SERINC4: variants seen among roughly 807,000 people sequenced by gnomAD.
The protein encoded by SERINC4 is serine incorporator 4.
SERINC4 carries 52 observed loss-of-function variants against 52.0 expected under a neutral mutation model. The observed-to-expected ratio is 1.00, with a 90% CI of 0.80 to 1.26. The LOEUF (loss-of-function observed/expected upper bound fraction) is 1.26, where lower values mean the gene tolerates loss of function less well. SERINC4 is among the 50% of genes most tolerant of loss of function. The pLI, the probability that SERINC4 is intolerant of heterozygous loss-of-function variation, is 0.00. For missense variants in SERINC4, 723 were observed against 632.8 expected, an observed-to-expected ratio of 1.14 and a Z score of -1.53; for synonymous variants, 264 against 247.7, an observed-to-expected ratio of 1.07 and a Z score of -0.62.
intron 9 of SERINC4, 71 bp downstream of exon 9, chr15:43,796,084 T>C (rs2087209147): frequency 5.4e-6 from 6 of 1,110,110 alleles, no homozygotes; most frequent in Non-Finnish European, 8.3e-6. Flanking sequence ...TGGGTAGAGG[T>C]TGGTAGGATG....
chr15:43,796,165 T>G lies in SERINC4; in HGVS notation c.1130A>C (p.Tyr377Ser). Reference protein sequence around the residue: ...GPLWIVKVYSYEFQKPSLCFC... With the variant: ...GPLWIVKVYSSEFQKPSLCFC... ...GCTCTTTATCCTCACCTGAAACTCA[T>G]AGCTGTAAACCTTGACAATCCACAG... The change falls in exon 9 of 12, where the codon TAT (tyrosine) becomes TCT (serine). Residue 377 changes from tyrosine to serine, a missense_variant. Physicochemically the swap from Tyr to Ser is moderately radical, Grantham distance 144 (BLOSUM62 -2). Coordinates refer to ENST00000319327, the MANE Select transcript of SERINC4 (RefSeq NM_001258031.2). 6.2e-7 allele frequency: 1 copy of G among 1,613,118 alleles called. No homozygotes were observed. Among genetic ancestry groups the G allele is most frequent in the South Asian group, 1.1e-5 (1 of 91,048 alleles).
In SERINC4 at chr15:43,795,187, G is replaced by T. The variant is rs764665774; in HGVS notation, c.1370C>A (p.Thr457Asn). The T allele has an allele frequency of 6.2e-6, 10 of 1,614,094 alleles. No individual in the cohort carries two copies. In the East Asian group the frequency reaches 2.0e-4, roughly 32 times the overall value. Residue 457 changes from threonine to asparagine, a missense_variant, in exon 12 of 12, where the codon ACC (threonine) becomes AAC (asparagine). Thr to Asn is a moderately conservative substitution (Grantham distance 65). Coordinates refer to ENST00000319327, the MANE Select transcript of SERINC4 (RefSeq NM_001258031.2). ...FSYEGAELEK[T>N]FIKGSWATFW... is the part of the protein sequence containing the mutation. Reference sequence around the variant, plus strand: ...GGTGGCCCAGCTACCCTTGATGAAGGTCTTTTCCAGTTCTGCTCCCTCATA... The same window carrying T: ...GGTGGCCCAGCTACCCTTGATGAAGTTCTTTTCCAGTTCTGCTCCCTCATA...
intron 10 of SERINC4, 62 bp downstream of exon 10, chr15:43,795,626 A>G: frequency 1.3e-6 from 2 of 1,599,766 alleles, no homozygotes; most frequent in South Asian, 1.1e-5. Flanking sequence ...AAGGCTCTTG[A>G]GGGTTCTTAT....
chr15:43,796,891 G>A lies in SERINC4; in HGVS notation c.894C>T (p.Ile298=), dbSNP rs745897875. 23 of 1,614,104 alleles carry A rather than the reference G, an allele frequency of 1.4e-5. No homozygotes were observed. In the East Asian group the frequency reaches 4.5e-4, roughly 31 times the overall value. The change falls in exon 7 of 12, where the codon ATC becomes ATT. Residue 298 remains isoleucine, a synonymous_variant. Coordinates refer to ENST00000319327, the MANE Select transcript of SERINC4 (RefSeq NM_001258031.2). ...ACAGTGCAGAGAAAGTCAGATACATGATATAGCAGCTGATGACAGAAGCTT... is the reference window on the plus strand; with the variant it reads ...ACAGTGCAGAGAAAGTCAGATACATAATATAGCAGCTGATGACAGAAGCTT... ...LLQASVISCY[I]MYLTFSALSS...
intron 8 of SERINC4, 139 bp downstream of exon 8, chr15:43,796,477 T>C: frequency 1.1e-6 from 1 of 935,722 alleles, no homozygotes; most frequent in South Asian, 1.6e-5. Context: ...TTCTTAGAAT[T>C]TGTCCCTGTT....
chr15:43,796,984 T>G, intron 6 of SERINC4, 44 bp from the exon 7 acceptor site: 1 of 1,548,368 alleles, frequency 6.5e-7, no homozygotes, highest in Non-Finnish European at 8.9e-7. Flanking sequence ...GCTGGTAATT[T>G]CCTCCATTTC....
chr15:43,798,921 T>C, intron 3 of SERINC4, 38 bp downstream of exon 3: 1 of 1,544,928 alleles, frequency 6.5e-7, no homozygotes, highest in Non-Finnish European at 8.8e-7. Flanking sequence ...CTACTTTCCC[T>C]CCTCTGTCCC....
rs1046995381 is a variant in SERINC4, at chr15:43,794,577, C to T, written c.*423G>A. 3.4e-4 allele frequency: 57 copies of T among 170,020 alleles called. No individual in the cohort carries two copies. Among genetic ancestry groups the T allele is most frequent in the Non-Finnish European group, 6.8e-4 (53 of 77,880 alleles). The allele number at this position is 170,020 out of a possible 1,614,324, so 10.5% of individuals were successfully genotyped here. On this transcript the variant is annotated 3_prime_UTR_variant, in exon 12 of 12. Transcript: ENST00000319327. ...CCTTTCTTCTATGCCCTGGTTTGTT[C>T]TGTGGTTCTGGGCTTCTTATATCCG...
intron 10 of SERINC4, 46 bp downstream of exon 10, chr15:43,795,642 T>G (rs769363902): frequency 1.9e-6 from 3 of 1,610,426 alleles, no homozygotes; most frequent in Middle Eastern, 1.7e-4. Flanking sequence ...CTTATGGCAC[T>G]CCACAGAGAT....
chr15:43,798,368 A>G, intron 4 of SERINC4, 57 bp downstream of exon 4: 1 of 1,327,430 alleles, frequency 7.5e-7, no homozygotes, highest in East Asian at 2.3e-5. Context: ...CTTCTTACCC[A>G]CTTGTTATCT....
At position 43,798,940 on chromosome 15, in the gene SERINC4, C is replaced by T. The variant is rs2087264984; in HGVS notation, c.458+19G>A. 1 of 1,550,120 alleles carries T rather than the reference C, an allele frequency of 6.5e-7. No individual in the cohort carries two copies. Among genetic ancestry groups the T allele is most frequent in the African/African-American group, 1.4e-5 (1 of 73,006 alleles). ...TTTCCCTCCTCTGTCCCCTCCCCACCCAGAAAGTACACACAAACCTATTAT... is the reference window on the plus strand; with the variant it reads ...TTTCCCTCCTCTGTCCCCTCCCCACTCAGAAAGTACACACAAACCTATTAT... On this transcript the variant is annotated intron_variant, in intron 3 of 11. Coordinates refer to ENST00000319327, the MANE Select transcript of SERINC4 (RefSeq NM_001258031.2).
rs1159452534 is a variant in SERINC4, at chr15:43,799,138, C to T, written c.280-1G>A. On this transcript the variant is annotated splice_acceptor_variant, in intron 2 of 11. Coordinates refer to ENST00000319327, the MANE Select transcript of SERINC4 (RefSeq NM_001258031.2). LOFTEE classifies it high-confidence loss of function. ...CACACAACCCCGAGGGCATCTGGAT[C>T]TGGGAGTGTGTGTGAGAGAAATGGC... is the stretch of plus-strand genomic sequence containing the variant. The T allele has an allele frequency of 6.5e-7, 1 of 1,547,578 alleles. No individual in the cohort carries two copies.
intron 9 of SERINC4, 82 bp downstream of exon 9, chr15:43,796,073 C>A: frequency 9.9e-7 from 1 of 1,011,524 alleles, no homozygotes; most frequent in South Asian, 1.3e-5. Context: ...TCTGAGCATT[C>A]TGGGTAGAGG....
At position 43,794,608 on chromosome 15, in the gene SERINC4, C is replaced by T. The variant is rs2087158102; in HGVS notation, c.*392G>A. On this transcript the variant is annotated 3_prime_UTR_variant, in exon 12 of 12. Transcript: ENST00000319327. ...TTCTGGGCTTCTTATATCCGTGTGC[C>T]CAGGGCTGAACTCCTTATTTTCCTT... 1.1e-5 allele frequency: 2 copies of T among 185,494 alleles called. No homozygotes were observed. The highest frequency in any genetic ancestry group is 5.4e-5 in the Admixed American group (1 of 18,648). 11.5% of individuals were successfully genotyped at this position (185,494 alleles called of 1,614,324 possible).
At position 43,796,756 on chromosome 15, in the gene SERINC4, ACAG is replaced by A. The variant is rs1223088114; in HGVS notation, c.941-17_941-15del. ...CTTGAAGGATTACTGGGAAGGGACA[ACAG>A]AAGAGATGGGTATTAACAATGAGCT... On this transcript the variant is annotated splice_polypyrimidine_tract_variant and intron_variant, in intron 7 of 11. Transcript: ENST00000319327. 3.7e-6 allele frequency: 6 copies of A among 1,614,072 alleles called. No homozygotes were observed. Among genetic ancestry groups the A allele is most frequent in the Non-Finnish European group, 5.1e-6 (6 of 1,180,032 alleles).
chr15:43,797,500 C>T (rs913023119), intron 5 of SERINC4, 144 bp from the exon 6 acceptor site: 3 of 626,076 alleles, frequency 4.8e-6, no homozygotes, highest in Non-Finnish European at 8.3e-6. Flanking sequence ...TCAAGTGATT[C>T]TCCTACCTCA....
In SERINC4 at chr15:43,794,246, G is replaced by T. The variant is rs2087147930; in HGVS notation, c.*754C>A. 1 of 396,912 alleles carries T rather than the reference G, an allele frequency of 2.5e-6. No individual in the cohort carries two copies. Among genetic ancestry groups the T allele is most frequent in the East Asian group, 4.1e-5 (1 of 24,338 alleles). 24.6% of individuals were successfully genotyped at this position (396,912 alleles called of 1,614,324 possible). On this transcript the variant is annotated 3_prime_UTR_variant, in exon 12 of 12. Transcript: ENST00000319327. The stretch of plus-strand genomic sequence containing the variant: ...GATATGCAGTAGAGGAATCCTCTAA[G>T]AACCATAGAGACTTCTTTTCTGTGA...
Position 43,799,371 on chromosome 15 carries a change from G to T in SERINC4, c.218C>A (p.Ala73Glu). ...FYILLHVGAS[A>E]ICCLLLSRTV... ...CCTTGACAGCAGGAGGCAGCAGATT[G>T]CTGAGGCCCCCACATGGAGGAGGAT... The change falls in exon 2 of 12, where the codon GCA (alanine) becomes GAA (glutamate). Residue 73 changes from alanine to glutamate, a missense_variant. Physicochemically the swap from Ala to Glu is moderately radical, Grantham distance 107. Transcript: ENST00000319327. 6.4e-7 allele frequency: 1 copy of T among 1,551,124 alleles called. No individual in the cohort carries two copies. Among genetic ancestry groups the T allele is most frequent in the Non-Finnish European group, 8.7e-7 (1 of 1,147,102 alleles).
Position 43,798,968 on chromosome 15 carries a change from A to C in SERINC4, c.449T>G (p.Leu150Arg). Reference sequence around the variant, plus strand: ...GAAAGTACACACAAACCTATTATGCAGCTGTGCCCGCGGGCTGGTGGGGGA... The same window carrying C: ...GAAAGTACACACAAACCTATTATGCCGCTGTGCCCGCGGGCTGGTGGGGGA... ...LHSPTSPRAQ[L>R]HNSFWLLKLL... The change falls in exon 3 of 12, where the codon CTG becomes CGG. Residue 150 changes from leucine to arginine, a missense_variant. Coordinates refer to ENST00000319327, the MANE Select transcript of SERINC4 (RefSeq NM_001258031.2). 6.4e-7 allele frequency: 1 copy of C among 1,550,504 alleles called. No individual in the cohort carries two copies. The highest frequency in any genetic ancestry group is 8.7e-7 in the Non-Finnish European group (1 of 1,146,976).
Sources: gnomAD v4.1 joint callset for allele counts on GRCh38, gnomAD v4.1.1 for gene constraint, MANE v1.5 for transcripts, NCBI Gene and HGNC (gene_info 2026-07-23, HGNC 2026-07-21) for gene names.